The following OLFM1 variants were observed in gnomAD, a reference collection of about 807,000 sequenced individuals.
OLFM1 encodes the protein olfactomedin 1.
Under a neutral mutation model 49.7 loss-of-function variants are expected in OLFM1, and 9 were observed. That is an observed-to-expected ratio of 0.18 (90% CI 0.11 to 0.32). The LOEUF (loss-of-function observed/expected upper bound fraction) is 0.32. Among genes scored for constraint, OLFM1 ranks in the 10% least tolerant of loss-of-function variants. The pLI is 1.00. For synonymous variants in OLFM1, 240 were observed against 271.8 expected (o/e 0.88, Z 1.15); for missense variants, 369 against 661.8 (o/e 0.56, Z 4.85).
upstream of OLFM1, among the ~76,000 whole-genome samples, chr9:135,084,440 A>G (rs937419277): frequency 2.1e-5 from 1 of 48,312 alleles, no homozygotes; most frequent in Non-Finnish European, 4.2e-5. The surrounding 1 kb of genome is among the most constrained non-coding windows in gnomAD (Gnocchi z 4.6). Flanking sequence ...CTCTGTCTCT[A>G]TTATCTCTCC....
chr9:135,098,406 A>T lies in OLFM1; in HGVS notation c.577A>T (p.Asn193Tyr). ...GGTCCAGAATCTGACGTCAGTGCTT[A>T]ACGAGCTGCAAGAGGAAATTGGCGC... ...EEVQNLTSVL[N>Y]ELQEEIGAYD... Residue 193 changes from asparagine to tyrosine, a missense_variant, in exon 4 of 6, where the codon AAC (asparagine) becomes TAC (tyrosine). Asn to Tyr is a moderately radical substitution (Grantham distance 143, BLOSUM62 -2). This residue lies in a region of OLFM1 where 294 missense variants were observed against 567.5 expected (regional missense o/e 0.52). Transcript: ENST00000371793. The surrounding 1 kb of genome is among the most constrained non-coding windows in gnomAD (Gnocchi z 5.6). The T allele has an allele frequency of 6.2e-7, 1 of 1,613,956 alleles. No individual in the cohort carries two copies. Among genetic ancestry groups the T allele is most frequent in the Non-Finnish European group, 8.5e-7 (1 of 1,180,046 alleles).
At chr9:135,103,795 T>C (rs1052743425) in intron 4 of OLFM1, among the ~76,000 whole-genome samples, 22 of 152,134 alleles carry the variant, frequency 1.4e-4, no homozygotes, top group African/African-American at 5.1e-4. Flanking sequence ...CTGTGGCAGG[T>C]GCTGTCCCAA....
intron 2 of OLFM1, among the ~76,000 whole-genome samples, chr9:135,090,849 C>G (rs1180443784): frequency 6.6e-6 from 1 of 152,220 alleles, no homozygotes; most frequent in Non-Finnish European, 1.5e-5. Context: ...TTGTACCTGG[C>G]CAGTGGCTGG....
intron 5 of OLFM1, 131 bp from the exon 6 acceptor site, chr9:135,119,373 G>C (rs1352635461): frequency 2.7e-6 from 2 of 729,832 alleles, no homozygotes; most frequent in East Asian, 5.2e-5. Context: ...TCTTTGGAGT[G>C]CTCACTGGGT....
chr9:135,083,081 T>C (rs1323405065), upstream of OLFM1, among the ~76,000 whole-genome samples: 1 of 152,214 alleles, frequency 6.6e-6, no homozygotes, highest in Non-Finnish European at 1.5e-5. Context: ...TCAGGATCAA[T>C]GACTGATTCC....
chr9:135,097,913 T>G, intron 3 of OLFM1: 4 of 1,533,014 alleles, frequency 2.6e-6, no homozygotes, highest in Non-Finnish European at 3.5e-6. Context: ...CTTAGCACCA[T>G]TTCACTAAGG....
Position 135,088,275 on chromosome 9 carries a change from G to A in OLFM1, c.150+136G>A, listed in dbSNP as rs1483515688. The A allele has an allele frequency of 1.0e-5, 8 of 803,164 alleles. No individual in the cohort carries two copies. The highest frequency in any genetic ancestry group is 1.1e-5 in the Non-Finnish European group (7 of 610,264). 49.8% of individuals were successfully genotyped at this position (803,164 alleles called of 1,614,324 possible). A position where few individuals can be genotyped will look rare whatever the true frequency, so the allele number is the denominator to read the frequency against. On this transcript the variant is annotated intron_variant, in intron 1 of 5. Transcript: ENST00000371793. The surrounding 1 kb of genome is among the most constrained non-coding windows in gnomAD (Gnocchi z 4.8). ...AGGGAGGCGGCGGGGAGCAGGGCGGGCAAGGGCAGGCGTCGCGGGCCGGCG... is the reference window on the plus strand; with the variant it reads ...AGGGAGGCGGCGGGGAGCAGGGCGGACAAGGGCAGGCGTCGCGGGCCGGCG...
intron 1 of OLFM1, chr9:135,077,222 A>G: frequency 4.0e-6 from 6 of 1,504,934 alleles, no homozygotes; most frequent in Non-Finnish European, 5.3e-6. Context: ...GGTCCTGATT[A>G]GTGGCAAGCT....
At chr9:135,106,227 G>A (rs916266694) in intron 4 of OLFM1, 2 of 154,080 alleles carry the variant, frequency 1.3e-5, no homozygotes, top group African/African-American at 4.8e-5. Context: ...TCAGTTCCGG[G>A]GCGGCTGGTG....
At chr9:135,114,902 T>C (rs1831075616) in intron 5 of OLFM1, among the ~76,000 whole-genome samples, 1 of 152,140 alleles carries the variant, frequency 6.6e-6, no homozygotes, top group South Asian at 2.1e-4. Context: ...CCCATGTGCA[T>C]GGGGAATAGC....
chr9:135,077,244 G>A lies in OLFM1; in HGVS notation c.96+1442G>A, dbSNP rs78166709. ...ATTAGTGGCAAGCTGCCCCACAAAG[G>A]GCTATGCCTGTGTCTTATTGAGACA... On this transcript the variant is annotated intron_variant, in intron 1 of 5. Coordinates refer to the OLFM1 transcript ENST00000252854. 5.4e-6 allele frequency: 8 copies of A among 1,485,580 alleles called. No homozygotes were observed. The East Asian group carries it at 1.5e-4, about 28-fold the overall frequency. The allele number at this position is 1,485,580 out of a possible 1,614,324, so 92.0% of individuals were successfully genotyped here.
intron 1 of OLFM1, among the ~76,000 whole-genome samples, chr9:135,089,336 C>T (rs1830648336): frequency 6.6e-6 from 1 of 152,232 alleles, no homozygotes; most frequent in Admixed American, 6.5e-5. Context: ...CTGATGCCAC[C>T]GGAGGGGAGC....
Position 135,088,195 on chromosome 9 carries a change from C to T in OLFM1, c.150+56C>T. ...GCTCCTCCTCCTCCTCCTCCTCCCC[C>T]TCCTCGGTCCGGAGCCCCGGGCTGG... On this transcript the variant is annotated intron_variant, in intron 1 of 5. Transcript: ENST00000371793. This position sits in a 1 kb window ranked among gnomAD's most constrained non-coding sequence, Gnocchi z 4.8. The T allele has an allele frequency of 1.6e-6, 2 of 1,247,468 alleles. No homozygotes were observed. Among genetic ancestry groups the T allele is most frequent in the South Asian group, 2.9e-5 (1 of 34,012 alleles). The allele number at this position is 1,247,468 out of a possible 1,614,324, so 77.3% of individuals were successfully genotyped here. A position where few individuals can be genotyped will look rare whatever the true frequency, so the allele number is the denominator to read the frequency against.
intron 5 of OLFM1, among the ~76,000 whole-genome samples, chr9:135,115,750 T>C (rs549337273): frequency 6.6e-6 from 1 of 152,352 alleles, no homozygotes; most frequent in East Asian, 1.9e-4. Context: ...GAGTCCCCTC[T>C]TGACTCTGAC....
chr9:135,092,184 A>G (rs1167255565), intron 2 of OLFM1, among the ~76,000 whole-genome samples: 1 of 152,216 alleles, frequency 6.6e-6, no homozygotes, highest in African/African-American at 2.4e-5. Flanking sequence ...ACAAACCCTC[A>G]GGAAGCTCGA....
intron 5 of OLFM1, among the ~76,000 whole-genome samples, chr9:135,111,664 A>G (rs955590123): frequency 1.3e-5 from 2 of 152,048 alleles, no homozygotes; most frequent in Non-Finnish European, 2.9e-5. Flanking sequence ...GCTGCTCCAC[A>G]CTGGAGTCTG....
rs1287363768 is a variant in OLFM1 at position 135,120,188 on chromosome 9, C to A, written c.*10C>A. The A allele has an allele frequency of 1.4e-5, 22 of 1,597,998 alleles. No individual in the cohort carries two copies. The highest frequency in any genetic ancestry group is 1.9e-5 in the Non-Finnish European group (22 of 1,171,748). On this transcript the variant is annotated 3_prime_UTR_variant, in exon 6 of 6. Transcript: ENST00000371793. The stretch of plus-strand genomic sequence containing the variant: ...CTCCGACGAGTTGTAGCTCCCTCCT[C>A]CTGGAAGCCAAGGGCCCACGTCCTC...
At position 135,107,680 on chromosome 9, in the gene OLFM1, C is replaced by A. The variant is rs1050193300; in HGVS notation, c.783+825C>A. Among the ~76,000 whole-genome samples, 94 of 152,246 alleles carry A rather than the reference C, an allele frequency of 6.2e-4. 1 individual carries two copies. The highest frequency in any genetic ancestry group is 4.6e-4 in the Non-Finnish European group (31 of 68,042). Reference sequence around the variant, plus strand: ...ACTGACCTCTGGCTGCCAGAGTGGGCATTTCTCACCCAGCAACCCCTTCCT... The same window carrying A: ...ACTGACCTCTGGCTGCCAGAGTGGGAATTTCTCACCCAGCAACCCCTTCCT... On this transcript the variant is annotated intron_variant, in intron 5 of 5. Transcript: ENST00000371793.
intron 1 of OLFM1, 80 bp from the exon 2 acceptor site, chr9:135,090,115 C>G: frequency 7.5e-7 from 1 of 1,330,190 alleles, no homozygotes; most frequent in Non-Finnish European, 1.0e-6. Flanking sequence ...ACAGTTTCCC[C>G]TGGTTGTTGG....
Sources: gnomAD v4.1 joint callset for allele counts (sites outside exome capture counted in the v4.1 genomes callset) on GRCh38, gnomAD v4.1.1 for gene constraint, gnomAD v4.1.1 regional missense constraint, Gnocchi (gnomAD v3.1) non-coding constraint, MANE v1.5 for transcripts, NCBI Gene and HGNC (gene_info 2026-07-23, HGNC 2026-07-21) for gene names.